ST8SIA6: variants seen among roughly 807,000 people sequenced by gnomAD.
The protein encoded by ST8SIA6 is ST8 alpha-N-acetyl-neuraminide alpha-2,8-sialyltransferase 6, also known as alpha-2,8-sialyltransferase 8F.
Under a neutral mutation model 33.6 loss-of-function variants are expected in ST8SIA6, and 39 were observed. That is an observed-to-expected ratio of 1.16 (90% CI 0.90 to 1.52). The LOEUF is 1.52. ST8SIA6 is among the 40% of genes most tolerant of loss of function. ST8SIA6 has a pLI of 0.00. For missense variants in ST8SIA6, 441 were observed against 443.8 expected, an observed-to-expected ratio of 0.99 and a Z score of 0.06; for synonymous variants, 172 against 167.2, an observed-to-expected ratio of 1.03 and a Z score of -0.22.
At chr10:17,347,244 AG>A (rs1392932497) in intron 4 of ST8SIA6, among the ~76,000 whole-genome samples, 1 of 152,224 alleles carries the variant, frequency 6.6e-6, no homozygotes, top group Non-Finnish European at 1.5e-5. Context: ...AACCCAGACC[AG>A]AGATGGGTGG....
rs1337402765 is a variant in ST8SIA6 at position 17,316,501 on chromosome 10, C to G, written c.*4377G>C. Among the ~76,000 whole-genome samples the G allele has an allele frequency of 6.6e-6, 1 of 151,982 alleles. No homozygotes were observed. Among genetic ancestry groups the G allele is most frequent in the Non-Finnish European group, 1.5e-5 (1 of 67,944 alleles). ...ACTTGTTTTTTTGTGTGGATCAGAA[C>G]AGGTCCTCTTGGCTGTATATGCAAA... On this transcript the variant is annotated 3_prime_UTR_variant, in exon 8 of 8. Transcript: ENST00000377602.
intron 2 of ST8SIA6, among the ~76,000 whole-genome samples, chr10:17,411,393 G>A (rs1810796): frequency 0.12 from 17,857 of 152,088 alleles, 1,096 homozygotes; most frequent in South Asian, 0.15. Context: ...ATGTTGGCCA[G>A]GCTGGTCTCG....
At chr10:17,437,671 CTCTT>C (rs1448468277) in intron 2 of ST8SIA6, among the ~76,000 whole-genome samples, 22 of 116,614 alleles carry the variant, frequency 1.9e-4, no homozygotes, top group African/African-American at 6.7e-4. Context: ...CCTTCTGTCT[CTCTT>C]TCTCTTTCTC....
intron 3 of ST8SIA6, among the ~76,000 whole-genome samples, chr10:17,362,161 A>G (rs560204643): frequency 6.6e-6 from 1 of 152,324 alleles, no homozygotes; most frequent in African/African-American, 2.4e-5. Flanking sequence ...AACCAATGCA[A>G]TAAAGAAGAA....
intron 4 of ST8SIA6, 106 bp from the exon 5 acceptor site, chr10:17,331,658 A>G (rs1848305679): frequency 8.7e-7 from 1 of 1,149,356 alleles, no homozygotes; most frequent in Non-Finnish European, 1.2e-6. Context: ...ACTGACTTTC[A>G]AAAAGAAGAT....
intron 2 of ST8SIA6, among the ~76,000 whole-genome samples, chr10:17,400,161 T>C (rs1278163178): frequency 6.6e-6 from 1 of 152,098 alleles, no homozygotes; most frequent in African/African-American, 2.4e-5. Context: ...TGGACAAGAA[T>C]TATTTTGCAT....
At chr10:17,422,340 C>T (rs369780729) in intron 2 of ST8SIA6, among the ~76,000 whole-genome samples, 1 of 152,176 alleles carries the variant, frequency 6.6e-6, no homozygotes, top group Non-Finnish European at 1.5e-5. Flanking sequence ...GCACCTCCCC[C>T]CTCCCACAAG....
chr10:17,325,040 T>C (rs1848081014), intron 6 of ST8SIA6, among the ~76,000 whole-genome samples: 1 of 142,630 alleles, frequency 7.0e-6, no homozygotes, highest in South Asian at 2.2e-4. Flanking sequence ...TTGTATTTAT[T>C]ATATGTATAT....
chr10:17,386,500 C>G (rs1850354434), intron 3 of ST8SIA6, among the ~76,000 whole-genome samples: 1 of 152,220 alleles, frequency 6.6e-6, no homozygotes, highest in African/African-American at 2.4e-5. Flanking sequence ...CATCGCACCA[C>G]TGCACTCCAG....
At chr10:17,359,390 A>G (rs1849308134) in intron 4 of ST8SIA6, 124 bp downstream of exon 4, 2 of 636,808 alleles carry the variant, frequency 3.1e-6, no homozygotes, top group Non-Finnish European at 5.4e-6. Flanking sequence ...CTTAGAATTC[A>G]GTTGGCCTCA....
intron 4 of ST8SIA6, among the ~76,000 whole-genome samples, chr10:17,351,970 A>G (rs764072662): frequency 2.0e-5 from 3 of 152,166 alleles, no homozygotes; most frequent in Non-Finnish European, 4.4e-5. Context: ...CCATTGCACA[A>G]CATGGTGACC....
At chr10:17,441,307 T>TATTA (rs1852483610) in intron 2 of ST8SIA6, among the ~76,000 whole-genome samples, 1 of 150,668 alleles carries the variant, frequency 6.6e-6, no homozygotes, top group Non-Finnish European at 1.5e-5. Context: ...AAATTATCTT[T>TATTA]ATTTATTTAT....
At position 17,331,683 on chromosome 10, in the gene ST8SIA6, A is replaced by G. The variant is rs556594851; in HGVS notation, c.378-131T>C. ...AAAAAGAAGATAATTATTCACAAAG[A>G]TGACTTTGATTTTTGTCCTCCAGGT... On this transcript the variant is annotated intron_variant, in intron 4 of 7. Coordinates refer to ENST00000377602, the MANE Select transcript of ST8SIA6 (RefSeq NM_001004470.3). The G allele has an allele frequency of 5.3e-6, 5 of 944,780 alleles. No individual in the cohort carries two copies. In the East Asian group the frequency reaches 1.2e-4, roughly 23 times the overall value. 58.5% of individuals were successfully genotyped at this position (944,780 alleles called of 1,614,324 possible).
chr10:17,393,514 T>G (rs1303529803), intron 2 of ST8SIA6, among the ~76,000 whole-genome samples: 1 of 152,340 alleles, frequency 6.6e-6, no homozygotes, highest in East Asian at 1.9e-4. Flanking sequence ...AGAATTACAA[T>G]GCATCATTAG....
chr10:17,359,979 G>A (rs1247883820), intron 3 of ST8SIA6, among the ~76,000 whole-genome samples: 3 of 152,064 alleles, frequency 2.0e-5, no homozygotes, highest in South Asian at 2.1e-4. Context: ...CAGACTCTAA[G>A]TTCACATATT....
chr10:17,373,578 C>T (rs76679497), intron 3 of ST8SIA6, among the ~76,000 whole-genome samples: 4 of 152,110 alleles, frequency 2.6e-5, no homozygotes, highest in African/African-American at 7.2e-5. Flanking sequence ...CTATTTTAGC[C>T]GTTCGGATGG....
At chr10:17,452,311 G>A (rs1318593862) in intron 2 of ST8SIA6, among the ~76,000 whole-genome samples, 1 of 152,154 alleles carries the variant, frequency 6.6e-6, no homozygotes, top group Non-Finnish European at 1.5e-5. Flanking sequence ...TCTTAGAGCC[G>A]TGCTAGAGCT....
At chr10:17,364,244 A>C (rs10795478) in intron 3 of ST8SIA6, among the ~76,000 whole-genome samples, 1 of 151,774 alleles carries the variant, frequency 6.6e-6, no homozygotes, top group African/African-American at 2.4e-5. Flanking sequence ...TTTAAACATC[A>C]CTCCCCCTAT....
intron 4 of ST8SIA6, among the ~76,000 whole-genome samples, chr10:17,343,801 G>A (rs181881193): frequency 4.6e-5 from 7 of 152,220 alleles, no homozygotes; most frequent in Admixed American, 2.0e-4. Flanking sequence ...AAAGAGAGAC[G>A]CCAGACAGTG....
Sources: allele counts gnomAD v4.1 joint callset (sites outside exome capture counted in the v4.1 genomes callset), GRCh38; gene constraint gnomAD v4.1.1; transcripts MANE v1.5; gene names NCBI Gene and HGNC (gene_info 2026-07-23, HGNC 2026-07-21).